AK9: variants seen among roughly 807,000 people sequenced by gnomAD.
The protein encoded by AK9 is adenylate kinase 9.
Under a neutral mutation model 239.6 loss-of-function variants are expected in AK9, and 191 were observed. The ratio of observed to expected loss-of-function variants is 0.80; its 90% CI spans 0.71 to 0.90. The LOEUF is 0.90. AK9 is among the 40% of genes least tolerant of loss of function. The pLI is 0.00. For missense variants in AK9, 1,995 were observed against 2,214.7 expected, an observed-to-expected ratio of 0.90 and a Z score of 1.99; for synonymous variants, 689 against 721.0, an observed-to-expected ratio of 0.96 and a Z score of 0.71.
rs760086899 is a variant in AK9 at position 109,506,502 on chromosome 6, A to C, written c.4674T>G (p.Asn1558Lys). The change falls in exon 35 of 41, where the codon AAT (asparagine) becomes AAG (lysine). Residue 1558 changes from asparagine to lysine, a missense_variant. This residue lies in a region of AK9 where 391 missense variants were observed against 456.0 expected (regional missense o/e 0.86). Coordinates refer to ENST00000424296, the MANE Select transcript of AK9 (RefSeq NM_001145128.3). ...LHNSAQIVAV[N>K]NVKYRKNIGE... ...CAATATTTTTGCGATACTTTACATT[A>C]TTGACAGCTACAATTTGTGCACTAT... 79 of 1,608,698 alleles carry C rather than the reference A, an allele frequency of 4.9e-5. No homozygotes were observed. Among genetic ancestry groups the C allele is most frequent in the Non-Finnish European group, 6.7e-5 (79 of 1,176,670 alleles).
At chr6:109,593,726 A>G (rs1241212976) in intron 17 of AK9, among the ~76,000 whole-genome samples, 2 of 152,126 alleles carry the variant, frequency 1.3e-5, no homozygotes, top group African/African-American at 4.8e-5. Flanking sequence ...AAATCAATAA[A>G]CGTAATCCAT....
chr6:109,519,978 G>A (rs1034074236), intron 29 of AK9, among the ~76,000 whole-genome samples: 8 of 152,108 alleles, frequency 5.3e-5, no homozygotes, highest in African/African-American at 1.7e-4. Flanking sequence ...AATTGTTTAA[G>A]TTCCTTATAG....
At chr6:109,573,664 T>C (rs1787709655) in intron 20 of AK9, 70 bp from the exon 21 acceptor site, 1 of 1,402,118 alleles carries the variant, frequency 7.1e-7, no homozygotes, top group African/African-American at 1.4e-5. Flanking sequence ...TGTTGATAAG[T>C]GCTGAAGCCA....
chr6:109,533,159 GAAT>G, intron 28 of AK9, 89 bp downstream of exon 28: 1 of 926,988 alleles, frequency 1.1e-6, no homozygotes, highest in Non-Finnish European at 1.5e-6. Context: ...ATTAAAATTA[GAAT>G]ACTATATTTT....
At position 109,604,920 on chromosome 6, in the gene AK9, T is replaced by C. The variant is rs568265486; in HGVS notation, c.1842+5445A>G. Among the ~76,000 whole-genome samples the C allele has an allele frequency of 1.1e-4, 17 of 152,336 alleles. No individual in the cohort carries two copies. The South Asian group carries it at 1.7e-3, about 15-fold the overall frequency. On this transcript the variant is annotated intron_variant, in intron 17 of 40. Transcript: ENST00000424296. ...ATCTTTATTTCAAACTTAGTTACAT[T>C]ACATTTATGTTCTTGTCACATGTGG...
intron 17 of AK9, among the ~76,000 whole-genome samples, chr6:109,609,292 A>C (rs889819947): frequency 1.3e-5 from 2 of 152,206 alleles, no homozygotes; most frequent in African/African-American, 4.8e-5. Context: ...CTTACCTCCC[A>C]GGCAGAGATG....
At chr6:109,655,604 A>G (rs1799579641) in intron 8 of AK9, among the ~76,000 whole-genome samples, 1 of 152,174 alleles carries the variant, frequency 6.6e-6, no homozygotes, top group Middle Eastern at 3.2e-3. Context: ...CATTTGTTAA[A>G]TATTTACTGC....
chr6:109,614,576 T>C (rs892695868), intron 13 of AK9, 96 bp from the exon 14 acceptor site: 13 of 973,282 alleles, frequency 1.3e-5, no homozygotes, highest in Middle Eastern at 3.1e-4. Context: ...TTAGACACAG[T>C]TGAGTTTCAG....
At chr6:109,675,605 A>G (rs763459497) in intron 2 of AK9, 24 bp downstream of exon 2, 42 of 1,303,492 alleles carry the variant, frequency 3.2e-5, no homozygotes, top group Admixed American at 6.3e-5. Context: ...AAAAAATTAT[A>G]CCAAATAATA....
At chr6:109,648,221 G>GT (rs1438243780) in intron 8 of AK9, among the ~76,000 whole-genome samples, 3 of 152,030 alleles carry the variant, frequency 2.0e-5, no homozygotes, top group Admixed American at 1.3e-4. Flanking sequence ...CTAGCAGAAG[G>GT]TAAGACATAA....
At chr6:109,510,139 G>T (rs1778552445) in intron 32 of AK9, among the ~76,000 whole-genome samples, 1 of 152,004 alleles carries the variant, frequency 6.6e-6, no homozygotes, top group African/African-American at 2.4e-5. Context: ...GCCGGTCTGT[G>T]GACAGGAGTG....
At position 109,550,086 on chromosome 6, in the gene AK9, T is replaced by G; in HGVS notation, c.2964+4A>C. 1 of 1,613,336 alleles carries G rather than the reference T, an allele frequency of 6.2e-7. No homozygotes were observed. On this transcript the variant is annotated splice_donor_region_variant and intron_variant, in intron 25 of 40. Transcript: ENST00000424296. The stretch of plus-strand genomic sequence containing the variant: ...CAATCATTAAGATAGGAATACTGTC[T>G]CACCTTCAATGGTTCTTCATGAGCC...
At chr6:109,672,344 G>C (rs539006184) in intron 3 of AK9, among the ~76,000 whole-genome samples, 177 bp from the exon 4 acceptor site, 39 of 152,302 alleles carry the variant, frequency 2.6e-4, no homozygotes, top group African/African-American at 9.4e-4. Flanking sequence ...AGAAGCAGCA[G>C]AATGTCTTCC....
chr6:109,617,426 G>A (rs908611935), intron 13 of AK9, among the ~76,000 whole-genome samples: 3 of 144,412 alleles, frequency 2.1e-5, no homozygotes, highest in Non-Finnish European at 4.5e-5. Flanking sequence ...GTATCATAAA[G>A]CTTTGATAAT....
At chr6:109,641,969 C>T (rs1583385059) in intron 9 of AK9, among the ~76,000 whole-genome samples, 1 of 152,188 alleles carries the variant, frequency 6.6e-6, no homozygotes, top group Admixed American at 6.5e-5. Context: ...TAACAGTCTG[C>T]CCTCTGGTCC....
chr6:109,638,605 A>G (rs1797001926), intron 10 of AK9, among the ~76,000 whole-genome samples: 4 of 152,032 alleles, frequency 2.6e-5, no homozygotes, highest in Admixed American at 2.6e-4. Flanking sequence ...TCAGCCTCTC[A>G]AGTAGCTGGG....
At chr6:109,625,123 A>G (rs1212375324) in intron 12 of AK9, among the ~76,000 whole-genome samples, 2 of 152,092 alleles carry the variant, frequency 1.3e-5, no homozygotes, top group African/African-American at 4.8e-5. Flanking sequence ...TAATAATTGG[A>G]AGCTTCATTT....
At position 109,691,157 on chromosome 6, in the gene AK9, G is replaced by GC; in HGVS notation, c.-23dup. ...TCCTCCAATCCTTACCAAAGATGGT[G>GC]CCCTTCGCTTCCTCTCTCGGCAGCA... On this transcript the variant is annotated 5_prime_UTR_variant, in exon 1 of 41. Coordinates refer to ENST00000424296, the MANE Select transcript of AK9 (RefSeq NM_001145128.3). The GC allele has an allele frequency of 1.8e-6, 1 of 564,752 alleles. No individual in the cohort carries two copies. The highest frequency in any genetic ancestry group is 2.2e-5 in the South Asian group (1 of 45,272). 35.0% of individuals were successfully genotyped at this position (564,752 alleles called of 1,614,324 possible).
At chr6:109,616,344 CTT>C (rs1185107420) in intron 13 of AK9, among the ~76,000 whole-genome samples, 2 of 151,978 alleles carry the variant, frequency 1.3e-5, no homozygotes, top group Non-Finnish European at 2.9e-5. Flanking sequence ...GGATTAAAAA[CTT>C]AATGATTTTC....
Sources: gnomAD v4.1 joint callset for allele counts (sites outside exome capture counted in the v4.1 genomes callset) on GRCh38, gnomAD v4.1.1 for gene constraint, gnomAD v4.1.1 regional missense constraint, MANE v1.5 for transcripts, NCBI Gene and HGNC (gene_info 2026-07-23, HGNC 2026-07-21) for gene names.